Variants in BID observed in about 807,000 individuals in gnomAD.
BID encodes BH3-interacting domain death agonist.
Under a neutral mutation model 17.4 loss-of-function variants are expected in BID, and 19 were observed. That is an observed-to-expected ratio of 1.09 (90% confidence interval 0.76 to 1.60). BID has a LOEUF of 1.60. BID is among the 40% of genes most tolerant of loss of function. The probability of loss-of-function intolerance (pLI) is 0.00; values close to 1 mark genes in which losing one functional copy is unlikely to be tolerated. For synonymous variants in BID, 108 were observed against 102.8 expected (o/e 1.05, Z -0.31); for missense variants, 226 against 256.0 (o/e 0.88, Z 0.80).
chr22:17,736,186 C>A (rs1392770637), intron 5 of BID, among the ~76,000 whole-genome samples: 1 of 152,128 alleles, frequency 6.6e-6, no homozygotes, highest in Non-Finnish European at 1.5e-5. Flanking sequence ...TTAGGCCGGG[C>A]GCAGTGGCTC....
intron 1 of BID, among the ~76,000 whole-genome samples, chr22:17,760,710 C>A (rs138367659): frequency 2.0e-5 from 3 of 152,070 alleles, no homozygotes; most frequent in Admixed American, 2.0e-4. Context: ...GGTCTGAGAG[C>A]CATTGAGGTA....
intron 1 of BID, among the ~76,000 whole-genome samples, chr22:17,771,162 C>T (rs772422207): frequency 2.0e-4 from 31 of 152,292 alleles, no homozygotes; most frequent in Non-Finnish European, 3.5e-4. Flanking sequence ...TGCAGTGGCG[C>T]GATCTCGGCT....
At chr22:17,772,181 C>G (rs971561148) in intron 1 of BID, among the ~76,000 whole-genome samples, 2 of 152,220 alleles carry the variant, frequency 1.3e-5, no homozygotes, top group Non-Finnish European at 2.9e-5. Context: ...CACACAGGTG[C>G]TTGTCTCTGT....
chr22:17,758,094 G>C (rs531423260), intron 1 of BID, among the ~76,000 whole-genome samples: 2 of 152,228 alleles, frequency 1.3e-5, no homozygotes, highest in South Asian at 4.1e-4. Context: ...GGGGGTCCTT[G>C]AAGGTAACGG....
At chr22:17,751,147 T>C (rs888102687) in intron 1 of BID, among the ~76,000 whole-genome samples, 5 of 142,162 alleles carry the variant, frequency 3.5e-5, no homozygotes, top group Non-Finnish European at 4.6e-5. Context: ...CCGAGGCGGG[T>C]GGATCATGAG....
chr22:17,746,155 G>A (rs2061493774), intron 2 of BID, among the ~76,000 whole-genome samples: 1 of 151,888 alleles, frequency 6.6e-6, no homozygotes, highest in African/African-American at 2.4e-5. Flanking sequence ...TCACTTATAA[G>A]TGGGAGCTAA....
chr22:17,767,493 G>A (rs1328957528), intron 1 of BID, among the ~76,000 whole-genome samples: 2 of 152,198 alleles, frequency 1.3e-5, no homozygotes, highest in Non-Finnish European at 2.9e-5. Context: ...CCTGGACCAG[G>A]TGTCAAAGAG....
rs1436194624 is a variant in BID at position 17,773,834 on chromosome 22, C to G, written c.-59+547G>C. ...AGCAGCGAGGATCCGCACATCATTG[C>G]CAGTGCTCTAAGGAGCGGGCGAGCC... On this transcript the variant is annotated intron_variant, in intron 1 of 5. Transcript: ENST00000622694. The surrounding 1 kb of genome is among the most constrained non-coding windows in gnomAD (Gnocchi z 4.4). The G allele has an allele frequency of 4.9e-6, 4 of 811,542 alleles. No individual in the cohort carries two copies. The highest frequency in any genetic ancestry group is 7.9e-6 in the Non-Finnish European group (4 of 507,620). 50.3% of individuals were successfully genotyped at this position (811,542 alleles called of 1,614,324 possible).
At position 17,738,775 on chromosome 22, in the gene BID, G is replaced by A. The variant is rs149192602; in HGVS notation, c.364-546C>T. On this transcript the variant is annotated intron_variant, in intron 4 of 5. Coordinates refer to ENST00000622694, the MANE Select transcript of BID (RefSeq NM_001196.4). Reference sequence around the variant, plus strand: ...GATTGGATTTCTAGGAGGTGAGGACGCCTGCATTTTCAGCTGGTAGAGTCG... The same window carrying A: ...GATTGGATTTCTAGGAGGTGAGGACACCTGCATTTTCAGCTGGTAGAGTCG... Among the ~76,000 whole-genome samples the A allele has an allele frequency of 2.4e-4, 37 of 152,322 alleles. No individual in the cohort carries two copies. The East Asian group carries it at 5.2e-3, about 21-fold the overall frequency.
intron 1 of BID, among the ~76,000 whole-genome samples, chr22:17,766,178 C>G (rs1166046923): frequency 2.0e-5 from 3 of 152,140 alleles, no homozygotes; most frequent in Non-Finnish European, 4.4e-5. Flanking sequence ...CCTGCCTCAG[C>G]CTCCCAAATT....
chr22:17,751,282 G>A (rs1468693947), intron 1 of BID, among the ~76,000 whole-genome samples: 1 of 151,662 alleles, frequency 6.6e-6, no homozygotes, highest in African/African-American at 2.4e-5. Flanking sequence ...TGAGGCAGGA[G>A]AATGGCGTGA....
intron 3 of BID, among the ~76,000 whole-genome samples, chr22:17,743,174 C>T (rs1292380417): frequency 1.3e-5 from 2 of 152,252 alleles, no homozygotes; most frequent in African/African-American, 4.8e-5. Context: ...TAGGTAATCA[C>T]GGAGCATAAT....
chr22:17,751,321 G>A (rs867348447), intron 1 of BID, among the ~76,000 whole-genome samples: 42 of 151,604 alleles, frequency 2.8e-4, no homozygotes, highest in Middle Eastern at 3.4e-3. Context: ...GCAGTGAGCC[G>A]AGATTGCGCC....
At chr22:17,754,428 C>CA (rs1284812739) in intron 1 of BID, among the ~76,000 whole-genome samples, 1 of 152,256 alleles carries the variant, frequency 6.6e-6, no homozygotes, top group Non-Finnish European at 1.5e-5. Flanking sequence ...CCAGGGAGGG[C>CA]AGGGGGCAGC....
chr22:17,766,204 G>A (rs1161526769), intron 1 of BID, among the ~76,000 whole-genome samples: 1 of 151,616 alleles, frequency 6.6e-6, no homozygotes, highest in Non-Finnish European at 1.5e-5. Context: ...GATTACAGGT[G>A]TGAGCCACTG....
intron 1 of BID, among the ~76,000 whole-genome samples, chr22:17,766,422 C>G (rs969518736): frequency 4.0e-5 from 6 of 149,438 alleles, no homozygotes; most frequent in African/African-American, 1.5e-4. Context: ...GCTGGAATTA[C>G]AGGCATGCAC....
Position 17,773,743 on chromosome 22 carries a change from T to C in BID, c.-59+638A>G, listed in dbSNP as rs1004900995. ...CTTGCCAGCCCAGCCACTTGGTGGCTGAGGGCTTCAGAGCTCTCCCAGGGT... is the reference window on the plus strand; with the variant it reads ...CTTGCCAGCCCAGCCACTTGGTGGCCGAGGGCTTCAGAGCTCTCCCAGGGT... On this transcript the variant is annotated intron_variant, in intron 1 of 5. Coordinates refer to ENST00000622694, the MANE Select transcript of BID (RefSeq NM_001196.4). The surrounding 1 kb of genome is among the most constrained non-coding windows in gnomAD (Gnocchi z 4.4). 6.4e-7 allele frequency: 1 copy of C among 1,571,326 alleles called. No individual in the cohort carries two copies. The highest frequency in any genetic ancestry group is 8.6e-7 in the Non-Finnish European group (1 of 1,156,694).
At chr22:17,757,852 G>A (rs955210494) in intron 1 of BID, among the ~76,000 whole-genome samples, 3 of 152,174 alleles carry the variant, frequency 2.0e-5, no homozygotes, top group South Asian at 2.1e-4. Context: ...TGTCACTCGC[G>A]TTTGCCTGGG....
At chr22:17,764,574 T>C (rs533117771) in intron 1 of BID, among the ~76,000 whole-genome samples, 1 of 152,374 alleles carries the variant, frequency 6.6e-6, no homozygotes, top group African/African-American at 2.4e-5. Flanking sequence ...TGCCCAATTC[T>C]GAGTGTTACA....
Sources: gnomAD v4.1 joint callset for allele counts (sites outside exome capture counted in the v4.1 genomes callset) on GRCh38, gnomAD v4.1.1 for gene constraint, Gnocchi (gnomAD v3.1) non-coding constraint, MANE v1.5 for transcripts, NCBI Gene and HGNC (gene_info 2026-07-23, HGNC 2026-07-21) for gene names.